ADAMTSL3: variants seen among roughly 807,000 people sequenced by gnomAD.
ADAMTSL3 encodes ADAMTS like 3.
A neutral mutation model predicts 201.7 loss-of-function variants in ADAMTSL3; 128 were observed. The ratio of observed to expected loss-of-function variants is 0.63; its 90% CI spans 0.55 to 0.73. The LOEUF (loss-of-function observed/expected upper bound fraction) is 0.73. Ranked by LOEUF, ADAMTSL3 falls within the 30% of genes least tolerant of loss-of-function variation. ADAMTSL3 has a pLI of 0.00. For synonymous variants in ADAMTSL3, 738 were observed against 748.4 expected, an observed-to-expected ratio of 0.99 and a Z score of 0.23; for missense variants, 1,990 against 2,119.6, an observed-to-expected ratio of 0.94 and a Z score of 1.20.
At chr15:84,028,330 C>T (rs775861437) in intron 27 of ADAMTSL3, among the ~76,000 whole-genome samples, 1 of 152,102 alleles carries the variant, frequency 6.6e-6, no homozygotes, top group Non-Finnish European at 1.5e-5. Flanking sequence ...AATCAGAGCA[C>T]AGACTCAGAA....
intron 27 of ADAMTSL3, 63 bp from the exon 28 acceptor site, chr15:84,031,272 C>G: frequency 1.3e-6 from 2 of 1,510,242 alleles, no homozygotes; most frequent in African/African-American, 2.7e-5. Context: ...AGTACATGAT[C>G]TTAGTACACA....
intron 2 of ADAMTSL3, among the ~76,000 whole-genome samples, chr15:83,657,700 C>CT (rs887745928): frequency 2.6e-5 from 4 of 152,224 alleles, no homozygotes; most frequent in African/African-American, 9.6e-5. Context: ...AAGCTTGAAG[C>CT]AAGCGCAGTG....
intron 3 of ADAMTSL3, among the ~76,000 whole-genome samples, chr15:83,731,899 G>C (rs569201657): frequency 1.1e-3 from 171 of 152,092 alleles, no homozygotes; most frequent in African/African-American, 4.1e-3. Context: ...TAGCAACAGA[G>C]AGTAGAACTA....
chr15:83,970,224 G>A lies in ADAMTSL3; in HGVS notation c.2491-260G>A, dbSNP rs9788720. On this transcript the variant is annotated intron_variant, in intron 19 of 29. Coordinates refer to ENST00000286744, the MANE Select transcript of ADAMTSL3 (RefSeq NM_207517.3). ...TCCAAAAGAAAGAGTGAGATGGAAGGAGGGGGAGGGCGGTAGAGAGGACAT... is the reference window on the plus strand; with the variant it reads ...TCCAAAAGAAAGAGTGAGATGGAAGAAGGGGGAGGGCGGTAGAGAGGACAT... Among the ~76,000 whole-genome samples, 7,632 of 151,950 alleles carry A rather than the reference G, an allele frequency of 0.05. 245 individuals are homozygous for A. The highest frequency in any genetic ancestry group is 0.17 in the East Asian group (871 of 5,166).
intron 4 of ADAMTSL3, among the ~76,000 whole-genome samples, chr15:83,778,121 TAA>T (rs1567138479): frequency 2.6e-5 from 4 of 152,132 alleles, no homozygotes; most frequent in African/African-American, 9.7e-5. Flanking sequence ...TGAGATTATG[TAA>T]AGAGACCAAA....
chr15:83,748,316 C>T (rs563379771), intron 3 of ADAMTSL3, among the ~76,000 whole-genome samples: 34 of 152,214 alleles, frequency 2.2e-4, no homozygotes, highest in African/African-American at 3.9e-4. Context: ...ATTGATCACT[C>T]ACTGTGTAGC....
At chr15:83,741,657 A>G (rs997710894) in intron 3 of ADAMTSL3, among the ~76,000 whole-genome samples, 3 of 152,226 alleles carry the variant, frequency 2.0e-5, no homozygotes, top group Non-Finnish European at 4.4e-5. Context: ...AACCAACTCA[A>G]AAACCATTGG....
intron 20 of ADAMTSL3, among the ~76,000 whole-genome samples, chr15:83,972,500 C>T (rs745861663): frequency 1.2e-3 from 176 of 152,202 alleles, no homozygotes; most frequent in Middle Eastern, 6.8e-3. Flanking sequence ...ATACTGGCAG[C>T]TTCCTCTAAA....
Position 84,014,668 on chromosome 15 carries a change from G to GC in ADAMTSL3, c.4101dup (p.Ile1368HisfsTer26). ...CTTGAAAATGAAGGAACCTACGTCT[G>GC]CATAGCCACCAATGCTCTTGGAAAG... On this transcript the variant is annotated frameshift_variant, in exon 24 of 30. Coordinates refer to ENST00000286744, the MANE Select transcript of ADAMTSL3 (RefSeq NM_207517.3). LOFTEE classifies it high-confidence loss of function. The GC allele has an allele frequency of 6.2e-7, 1 of 1,610,748 alleles. No homozygotes were observed. The highest frequency in any genetic ancestry group is 8.5e-7 in the Non-Finnish European group (1 of 1,179,164).
intron 21 of ADAMTSL3, among the ~76,000 whole-genome samples, chr15:83,983,794 G>A (rs1351742517): frequency 6.6e-6 from 1 of 152,088 alleles, no homozygotes; most frequent in Non-Finnish European, 1.5e-5. Flanking sequence ...GCAGGGCAGG[G>A]GTTAACCTTT....
chr15:83,744,072 G>C (rs1316780579), intron 3 of ADAMTSL3, among the ~76,000 whole-genome samples: 1 of 152,006 alleles, frequency 6.6e-6, no homozygotes, highest in Non-Finnish European at 1.5e-5. Context: ...GGCTGGTCTC[G>C]ATCTCCTGAC....
At chr15:83,858,624 T>G in intron 7 of ADAMTSL3, 142 bp from the exon 8 acceptor site, 1 of 595,722 alleles carries the variant, frequency 1.7e-6, no homozygotes, top group Non-Finnish European at 2.9e-6. Flanking sequence ...CTGCCTGCCT[T>G]GGCCTCCTGA....
chr15:83,758,921 T>C (rs1384391756), intron 3 of ADAMTSL3, among the ~76,000 whole-genome samples: 1 of 152,202 alleles, frequency 6.6e-6, no homozygotes, highest in East Asian at 1.9e-4. Flanking sequence ...TGAGGTGCTT[T>C]TATTCTTGAA....
chr15:83,792,961 A>G (rs1312191994), intron 4 of ADAMTSL3, among the ~76,000 whole-genome samples: 15 of 152,232 alleles, frequency 9.9e-5, no homozygotes, highest in Admixed American at 9.8e-4. Context: ...ATGAATGGTT[A>G]AAGAAAATGG....
chr15:83,861,842 G>A (rs978357406), intron 8 of ADAMTSL3: 5 of 152,182 alleles, frequency 3.3e-5, no homozygotes, highest in South Asian at 2.1e-4. Flanking sequence ...GAGGAAGTCC[G>A]AACCCATGGC....
intron 4 of ADAMTSL3, among the ~76,000 whole-genome samples, chr15:83,802,576 T>C (rs1043959774): frequency 6.6e-6 from 1 of 152,244 alleles, no homozygotes; most frequent in African/African-American, 2.4e-5. Context: ...AAGTATATTA[T>C]GCTAAAAAGA....
At chr15:83,783,823 T>C (rs1159526674) in intron 4 of ADAMTSL3, among the ~76,000 whole-genome samples, 1 of 139,142 alleles carries the variant, frequency 7.2e-6, no homozygotes, top group Non-Finnish European at 1.5e-5. Flanking sequence ...TTTAAAAGTA[T>C]CTGCATATAT....
At chr15:83,857,725 C>A (rs1210504441) in intron 7 of ADAMTSL3, among the ~76,000 whole-genome samples, 1 of 152,116 alleles carries the variant, frequency 6.6e-6, no homozygotes, top group East Asian at 1.9e-4. Flanking sequence ...ACAGGTATTT[C>A]TATTTAATAA....
In ADAMTSL3 at chr15:84,038,002, A is replaced by T. The variant is rs1206489803; in HGVS notation, c.*196A>T. 31 of 806,606 alleles carry T rather than the reference A, an allele frequency of 3.8e-5. No homozygotes were observed. The highest frequency in any genetic ancestry group is 5.5e-5 in the Non-Finnish European group (30 of 541,596). The allele number at this position is 806,606 out of a possible 1,614,324, so 50.0% of individuals were successfully genotyped here. On this transcript the variant is annotated 3_prime_UTR_variant, in exon 30 of 30. Coordinates refer to ENST00000286744, the MANE Select transcript of ADAMTSL3 (RefSeq NM_207517.3). ...TGGTAGTTTTATATTCCAATTTTTTAAAATGATGTATTCAAGGATGAACAA... is the reference window on the plus strand; with the variant it reads ...TGGTAGTTTTATATTCCAATTTTTTTAAATGATGTATTCAAGGATGAACAA...
Sources: allele counts gnomAD v4.1 joint callset (sites outside exome capture counted in the v4.1 genomes callset), GRCh38; gene constraint gnomAD v4.1.1; transcripts MANE v1.5; gene names NCBI Gene and HGNC (gene_info 2026-07-23, HGNC 2026-07-21).